The following FBXW8 variants were observed in gnomAD, a reference collection of about 807,000 sequenced individuals.
FBXW8 encodes the protein F-box and WD repeat domain containing 8, also known as F-box/WD repeat-containing protein 8.
In FBXW8, 57 loss-of-function variants were observed where a neutral mutation model predicts 65.3. The observed-to-expected ratio is 0.87, with a 90% confidence interval of 0.71 to 1.09. FBXW8 has a LOEUF of 1.09. Among genes scored for constraint, FBXW8 ranks in the 50% least tolerant of loss-of-function variants. The probability of loss-of-function intolerance (pLI) is 0.00; values close to 1 mark genes in which losing one functional copy is unlikely to be tolerated. For synonymous variants in FBXW8, 308 were observed against 330.2 expected (o/e 0.93, Z 0.73); for missense variants, 777 against 814.8 (o/e 0.95, Z 0.57).
At chr12:116,970,833 C>T (rs1884606891) in intron 5 of FBXW8, among the ~76,000 whole-genome samples, 1 of 151,972 alleles carries the variant, frequency 6.6e-6, no homozygotes, top group Non-Finnish European at 1.5e-5. Context: ...CCTTTGTTTT[C>T]CAGTCAGTCT....
At chr12:116,924,964 A>T (rs372799144) in intron 1 of FBXW8, among the ~76,000 whole-genome samples, 2 of 152,112 alleles carry the variant, frequency 1.3e-5, no homozygotes, top group Non-Finnish European at 2.9e-5. Flanking sequence ...ATCCTCCTCA[A>T]GTAGGGGAGA....
Position 117,024,917 on chromosome 12 carries a change from TATAA to T in FBXW8, c.1541+605_1541+608del, listed in dbSNP as rs1954189470. On this transcript the variant is annotated intron_variant, in intron 9 of 10. Transcript: ENST00000652555. ...CCACCTTTAACACCACTATTCAAAA[TATAA>T]ATAAATACTATCCTAAGCACAGGCT... 2.0e-5 allele frequency among the ~76,000 whole-genome samples: 3 copies of T among 152,184 alleles called. No homozygotes were observed. The South Asian group carries it at 6.2e-4, about 31-fold the overall frequency.
At chr12:116,970,807 T>A (rs1020599496) in intron 5 of FBXW8, among the ~76,000 whole-genome samples, 1 of 152,142 alleles carries the variant, frequency 6.6e-6, no homozygotes, top group African/African-American at 2.4e-5. Flanking sequence ...TGTGGAGAAG[T>A]TGATTTTTTT....
At chr12:116,989,075 C>T (rs1019263995) in intron 7 of FBXW8, among the ~76,000 whole-genome samples, 3 of 152,144 alleles carry the variant, frequency 2.0e-5, no homozygotes, top group African/African-American at 7.2e-5. Flanking sequence ...CTTCCCTGCA[C>T]AGAAGAAACT....
At chr12:116,932,742 C>T (rs571206193) in intron 2 of FBXW8, among the ~76,000 whole-genome samples, 1 of 152,154 alleles carries the variant, frequency 6.6e-6, no homozygotes, top group Non-Finnish European at 1.5e-5. Context: ...CCATGTTGGC[C>T]AGGATGGTCT....
intron 7 of FBXW8, among the ~76,000 whole-genome samples, chr12:117,007,657 A>T (rs775948543): frequency 1.3e-5 from 2 of 152,188 alleles, no homozygotes; most frequent in African/African-American, 4.8e-5. Context: ...GAATGAGTCA[A>T]GTGGTCATGG....
chr12:116,922,561 G>C (rs1378378162), intron 1 of FBXW8, among the ~76,000 whole-genome samples: 1 of 152,104 alleles, frequency 6.6e-6, no homozygotes, highest in Non-Finnish European at 1.5e-5. Context: ...TTGGCTCTTA[G>C]TAATTATCTG....
chr12:117,019,473 G>A (rs968264552), intron 8 of FBXW8, among the ~76,000 whole-genome samples: 5 of 152,198 alleles, frequency 3.3e-5, no homozygotes, highest in East Asian at 1.9e-4. Flanking sequence ...GTTTCCCAGC[G>A]TTGAGTATAT....
chr12:116,925,205 C>A (rs1881225296), intron 1 of FBXW8, among the ~76,000 whole-genome samples: 1 of 152,008 alleles, frequency 6.6e-6, no homozygotes, highest in Non-Finnish European at 1.5e-5. Context: ...TTGTACCCAG[C>A]CATGGACTAG....
At chr12:116,993,496 A>C (rs567494625) in intron 7 of FBXW8, among the ~76,000 whole-genome samples, 1 of 152,152 alleles carries the variant, frequency 6.6e-6, no homozygotes, top group Admixed American at 6.5e-5. Flanking sequence ...TAGTGATGTT[A>C]AGCATTGTTT....
intron 6 of FBXW8, chr12:116,985,832 A>C (rs1428952349): frequency 1.3e-5 from 2 of 156,086 alleles, no homozygotes; most frequent in African/African-American, 2.4e-5. Context: ...CCATTCCTAC[A>C]CTTTCTTCAT....
chr12:116,911,358 GA>G lies in FBXW8; in HGVS notation c.318+4del. ...TGGACCAGCTCATCCGCGACCTGGT[GA>G]GTGGCCGTCGCCTCCCCCCCGCCCA... On this transcript the variant is annotated splice_donor_region_variant and intron_variant, in intron 1 of 10. Coordinates refer to ENST00000652555, the MANE Select transcript of FBXW8 (RefSeq NM_153348.3). 6 of 1,275,010 alleles carry G rather than the reference GA, an allele frequency of 4.7e-6. No homozygotes were observed. Among genetic ancestry groups the G allele is most frequent in the Non-Finnish European group, 5.9e-6 (6 of 1,014,588 alleles). 79.0% of individuals were successfully genotyped at this position (1,275,010 alleles called of 1,614,324 possible). A position where few individuals can be genotyped will look rare whatever the true frequency, so the allele number is the denominator to read the frequency against.
intron 2 of FBXW8, among the ~76,000 whole-genome samples, chr12:116,933,149 C>T (rs7309550): frequency 0.013 from 2,023 of 152,302 alleles, 38 homozygotes; most frequent in African/African-American, 0.046. Flanking sequence ...CATTGGCCTG[C>T]TCCCAAGAGT....
chr12:116,953,497 C>T (rs1883416005), intron 4 of FBXW8, among the ~76,000 whole-genome samples: 1 of 152,122 alleles, frequency 6.6e-6, no homozygotes, highest in African/African-American at 2.4e-5. Context: ...GCCGGCTGGG[C>T]GCGGTGGCTC....
intron 1 of FBXW8, among the ~76,000 whole-genome samples, chr12:116,918,643 A>G (rs766668567): frequency 1.3e-5 from 2 of 152,334 alleles, no homozygotes; most frequent in African/African-American, 2.4e-5. Context: ...CATTGCTGCA[A>G]ACTGGGTCAT....
chr12:116,966,331 A>G (rs1271028772), intron 5 of FBXW8, among the ~76,000 whole-genome samples: 1 of 152,196 alleles, frequency 6.6e-6, no homozygotes, highest in East Asian at 1.9e-4. Context: ...TTAGAATCAT[A>G]TAGTTTTAGG....
rs775132881 is a variant in FBXW8, at chr12:116,985,345, AT to A, written c.976del (p.Ser326ProfsTer10). 6.2e-7 allele frequency: 1 copy of A among 1,614,194 alleles called. No individual in the cohort carries two copies. The highest frequency in any genetic ancestry group is 1.1e-5 in the South Asian group (1 of 91,074). On this transcript the variant is annotated frameshift_variant, in exon 6 of 11. Transcript: ENST00000652555. LOFTEE classifies it high-confidence loss of function. Reference protein sequence around the residue: ...TASAFDVVMLSPNEEGYWQIA... With the variant: ...TASAFDVVMLXPNEEGYWQIA... The stretch of plus-strand genomic sequence containing the variant: ...CTTCTGCTTTTGATGTCGTGATGTT[AT>A]CCCCCAATGAGGAGGGGTACTGGCA...
At chr12:116,976,450 CTTTTT>C (rs35364851) in intron 5 of FBXW8, among the ~76,000 whole-genome samples, 1 of 64,606 alleles carries the variant, frequency 1.5e-5, no homozygotes, top group Non-Finnish European at 2.8e-5. Context: ...CCAAAGGATC[CTTTTT>C]TTTTTTTTTT....
intron 8 of FBXW8, among the ~76,000 whole-genome samples, chr12:117,017,454 C>G (rs1953977736): frequency 6.6e-6 from 1 of 152,212 alleles, no homozygotes; most frequent in African/African-American, 2.4e-5. Flanking sequence ...CTGCATTAAA[C>G]TGGCAGTTCT....
Sources: gnomAD v4.1 joint callset for allele counts (sites outside exome capture counted in the v4.1 genomes callset) on GRCh38, gnomAD v4.1.1 for gene constraint, MANE v1.5 for transcripts, NCBI Gene and HGNC (gene_info 2026-07-23, HGNC 2026-07-21) for gene names.